FREM2: variants seen among roughly 807,000 people sequenced by gnomAD.
FREM2 encodes the protein FRAS1-related extracellular matrix protein 2.
A neutral mutation model predicts 219.9 loss-of-function variants in FREM2; 119 were observed. That is an observed-to-expected ratio of 0.54 (90% CI 0.47 to 0.63). The LOEUF is 0.63. Among genes scored for constraint, FREM2 ranks in the 30% least tolerant of loss-of-function variants. The probability of loss-of-function intolerance (pLI) is 0.00; values close to 1 mark genes in which losing one functional copy is unlikely to be tolerated. For synonymous variants in FREM2, 1,562 were observed against 1,522.8 expected (o/e 1.03, Z -0.60); for missense variants, 4,030 against 3,993.6 (o/e 1.01, Z -0.25).
At chr13:38,820,970 AACATTTTGTAATAGATGTACTATTTTCTG>A (rs1276405804) in intron 6 of FREM2, among the ~76,000 whole-genome samples, 1 of 152,188 alleles carries the variant, frequency 6.6e-6, no homozygotes, top group Non-Finnish European at 1.5e-5. Context: ...ATATTAAGAA[AACATTTTGTAATAGATGTACTATTTTCTG>A]ACATTGGTGG....
At chr13:38,734,682 G>A (rs1593373639) in intron 2 of FREM2, among the ~76,000 whole-genome samples, 1 of 149,682 alleles carries the variant, frequency 6.7e-6, no homozygotes, top group African/African-American at 2.5e-5. Flanking sequence ...ATTTTAATTA[G>A]CAGTAACTAT....
In FREM2 at chr13:38,880,826, C is replaced by A; in HGVS notation, c.*39C>A. 1 of 1,610,336 alleles carries A rather than the reference C, an allele frequency of 6.2e-7. No homozygotes were observed. The highest frequency in any genetic ancestry group is 8.5e-7 in the Non-Finnish European group (1 of 1,177,368). On this transcript the variant is annotated 3_prime_UTR_variant, in exon 24 of 24. Coordinates refer to ENST00000280481, the MANE Select transcript of FREM2 (RefSeq NM_207361.6). The stretch of plus-strand genomic sequence containing the variant: ...AATTCAACCTTTTCCGTAAGTGCCT[C>A]GGAAAAGATCACAATGGAACCTTAA...
rs1040613737 is a variant in FREM2, at chr13:38,851,796, G to C, written c.6853G>C (p.Val2285Leu). ...PVIRQGDTSK[V>L]SIVRVHTKDG... ...GATTCGCCAAGGAGACACTTCAAAG[G>C]TTTCCATTGTGAGAGTCCACACCAA... The change falls in exon 11 of 24, where the codon GTT becomes CTT. Residue 2285 changes from valine to leucine, a missense_variant. Val to Leu is a conservative substitution (Grantham distance 32). Around this residue, in one of 2 missense-constraint regions of FREM2, gnomAD observed 3,102 missense variants for 2,950.7 expected, o/e 1.05. Transcript: ENST00000280481. 1 of 1,613,838 alleles carries C rather than the reference G, an allele frequency of 6.2e-7. No homozygotes were observed. Among genetic ancestry groups the C allele is most frequent in the African/African-American group, 1.3e-5 (1 of 74,854 alleles).
In FREM2 at chr13:38,687,520, G is replaced by C. The variant is rs115327344; in HGVS notation, c.176G>C (p.Gly59Ala). The C allele has an allele frequency of 2.9e-5, 47 of 1,598,546 alleles. No individual in the cohort carries two copies. In the East Asian group the frequency reaches 9.2e-4, roughly 31 times the overall value. Residue 59 changes from glycine (G) to alanine (A), a missense_variant, in exon 1 of 24, where the codon GGT becomes GCT. Gly to Ala is a moderately conservative substitution (Grantham distance 60). Around this residue, in one of 2 missense-constraint regions of FREM2, gnomAD observed 3,102 missense variants for 2,950.7 expected, o/e 1.05. Transcript: ENST00000280481. Reference protein sequence around the residue: ...AAFGRALLSPGLAGAAGVPAE... With the variant: ...AAFGRALLSPALAGAAGVPAE... ...TTCGGCAGGGCGTTGCTGTCCCCTG[G>C]TCTCGCGGGGGCTGCAGGGGTCCCT... is the stretch of plus-strand genomic sequence containing the variant.
chr13:38,880,292 A>G lies in FREM2; in HGVS notation c.9015A>G (p.Leu3005=). 3 of 1,613,948 alleles carry G rather than the reference A, an allele frequency of 1.9e-6. No homozygotes were observed. Among genetic ancestry groups the G allele is most frequent in the Non-Finnish European group, 2.5e-6 (3 of 1,179,970 alleles). The part of the protein sequence containing the change: ...VDSTPLFQVA[L]GREWYIHTIY... ...AGAGTTGTGCTTTCTAGGTCGCTCT[A>G]GGCCGAGAATGGTATATACATACGA... is the stretch of plus-strand genomic sequence containing the variant. The change falls in exon 24 of 24, where the codon CTA becomes CTG. Residue 3005 remains leucine (L), a synonymous_variant. Transcript: ENST00000280481.
chr13:38,754,898 G>T (rs57022817), intron 2 of FREM2, among the ~76,000 whole-genome samples: 57,638 of 121,638 alleles, frequency 0.47, 12,801 homozygotes, highest in South Asian at 0.52. Flanking sequence ...TGATGATGAT[G>T]ATGATTATTA....
At chr13:38,831,826 G>T (rs1876523444) in intron 6 of FREM2, among the ~76,000 whole-genome samples, 1 of 151,012 alleles carries the variant, frequency 6.6e-6, no homozygotes, top group African/African-American at 2.4e-5. Context: ...TGCCATGTTG[G>T]CCAGGCTGAT....
At chr13:38,704,904 C>G (rs1460845125) in intron 2 of FREM2, among the ~76,000 whole-genome samples, 1 of 152,094 alleles carries the variant, frequency 6.6e-6, no homozygotes, top group East Asian at 1.9e-4. Flanking sequence ...CATCAGATCT[C>G]ATGAGAACTC....
chr13:38,853,481 AAG>A (rs1476596544), intron 11 of FREM2, among the ~76,000 whole-genome samples: 1 of 152,178 alleles, frequency 6.6e-6, no homozygotes, highest in Non-Finnish European at 1.5e-5. Flanking sequence ...TCTCACTATC[AAG>A]AGTCATTAGT....
chr13:38,845,575 T>C (rs923423248), intron 6 of FREM2, among the ~76,000 whole-genome samples: 1 of 152,238 alleles, frequency 6.6e-6, no homozygotes, highest in Non-Finnish European at 1.5e-5. Context: ...CTGGGTGATA[T>C]AATTTATCTT....
At chr13:38,832,611 T>C (rs1876553882) in intron 6 of FREM2, among the ~76,000 whole-genome samples, 1 of 152,150 alleles carries the variant, frequency 6.6e-6, no homozygotes, top group African/African-American at 2.4e-5. Flanking sequence ...CCATTCTCTA[T>C]CTACCATGTT....
At chr13:38,824,809 A>C (rs561605221) in intron 6 of FREM2, among the ~76,000 whole-genome samples, 1 of 152,172 alleles carries the variant, frequency 6.6e-6, no homozygotes, top group Non-Finnish European at 1.5e-5. Flanking sequence ...GTTACACCTT[A>C]TCAGAATTCA....
chr13:38,881,051 T>C lies in FREM2; in HGVS notation c.*264T>C. The C allele has an allele frequency of 1.9e-6, 1 of 531,050 alleles. No homozygotes were observed. Among genetic ancestry groups the C allele is most frequent in the Non-Finnish European group, 3.4e-6 (1 of 293,290 alleles). The allele number at this position is 531,050 out of a possible 1,614,324, so 32.9% of individuals were successfully genotyped here. ...CAGAGCCATGATGTGAGGAATGTAC[T>C]CCTCATTTTAGACATATTCTCTATG... On this transcript the variant is annotated 3_prime_UTR_variant, in exon 24 of 24. Coordinates refer to ENST00000280481, the MANE Select transcript of FREM2 (RefSeq NM_207361.6).
At chr13:38,844,341 TAA>T (rs1454545085) in intron 6 of FREM2, among the ~76,000 whole-genome samples, 3 of 152,128 alleles carry the variant, frequency 2.0e-5, no homozygotes, top group South Asian at 2.1e-4. Context: ...CACATGCATA[TAA>T]AACACATGTG....
At chr13:38,796,534 C>CG (rs1874791064) in intron 6 of FREM2, among the ~76,000 whole-genome samples, 1 of 152,110 alleles carries the variant, frequency 6.6e-6, no homozygotes. Flanking sequence ...CCTCCCTAAC[C>CG]CCCCAGCCCC....
intron 4 of FREM2, among the ~76,000 whole-genome samples, chr13:38,770,611 A>C (rs1313601696): frequency 6.6e-6 from 1 of 152,146 alleles, no homozygotes; most frequent in African/African-American, 2.4e-5. Flanking sequence ...ACCAGCCAAA[A>C]ATTTTTATTT....
At chr13:38,836,600 T>G (rs1408683646) in intron 6 of FREM2, among the ~76,000 whole-genome samples, 1 of 152,214 alleles carries the variant, frequency 6.6e-6, no homozygotes, top group Admixed American at 6.5e-5. Flanking sequence ...TGTAGGCTAT[T>G]AATTACTGTG....
In FREM2 at chr13:38,697,765, C is replaced by T. The variant is rs1441222889; in HGVS notation, c.5241C>T (p.Phe1747=). The T allele has an allele frequency of 1.2e-6, 2 of 1,605,786 alleles. No individual in the cohort carries two copies. Among genetic ancestry groups the T allele is most frequent in the Non-Finnish European group, 1.7e-6 (2 of 1,172,472 alleles). ...GGGCTAATGCCACAAGTGATATGTT[C>T]TATTTTGCAGTTGAAGATGGTGGTA... is the stretch of plus-strand genomic sequence containing the variant. ...REGANATSDM[F]YFAVEDGGGN... Residue 1747 remains phenylalanine, a synonymous_variant, in exon 2 of 24, where the codon TTC becomes TTT. Coordinates refer to ENST00000280481, the MANE Select transcript of FREM2 (RefSeq NM_207361.6).
chr13:38,690,510 T>C lies in FREM2; in HGVS notation c.3166T>C (p.Trp1056Arg), dbSNP rs1318422820. The C allele has an allele frequency of 1.9e-6, 3 of 1,614,234 alleles. No homozygotes were observed. The highest frequency in any genetic ancestry group is 2.5e-6 in the Non-Finnish European group (3 of 1,180,032). Reference sequence around the variant, plus strand: ...CAATACTATCCAAGGAGTTACTATATGGGTGACCATCCTGCCTGTTGATAG... The same window carrying C: ...CAATACTATCCAAGGAGTTACTATACGGGTGACCATCCTGCCTGTTGATAG... ...GGNTIQGVTI[W>R]VTILPVDSQA... Residue 1056 changes from tryptophan (W) to arginine (R), a missense_variant, in exon 1 of 24, where the codon TGG (tryptophan) becomes CGG (arginine). By Grantham distance (101) the Trp-to-Arg change is moderately radical. Around this residue, in one of 2 missense-constraint regions of FREM2, gnomAD observed 3,102 missense variants for 2,950.7 expected, o/e 1.05. Coordinates refer to ENST00000280481, the MANE Select transcript of FREM2 (RefSeq NM_207361.6).
Sources: allele counts gnomAD v4.1 joint callset (sites outside exome capture counted in the v4.1 genomes callset), GRCh38; gene constraint gnomAD v4.1.1; regional missense constraint gnomAD v4.1.1; transcripts MANE v1.5; gene names NCBI Gene and HGNC (gene_info 2026-07-23, HGNC 2026-07-21).